The following TOR3A variants were observed in gnomAD, a reference collection of about 807,000 sequenced individuals.
TOR3A encodes the protein torsin family 3 member A.
A neutral mutation model predicts 42.1 loss-of-function variants in TOR3A; 44 were observed. The observed-to-expected ratio is 1.04, with a 90% CI of 0.82 to 1.34. TOR3A has a LOEUF of 1.34. TOR3A is among the 40% of genes most tolerant of loss of function. The probability of loss-of-function intolerance (pLI) is 0.00; values close to 1 mark genes in which losing one functional copy is unlikely to be tolerated. For synonymous variants in TOR3A, 227 were observed against 213.2 expected (o/e 1.06, Z -0.57); for missense variants, 521 against 507.6 (o/e 1.03, Z -0.25).
intron 3 of TOR3A, among the ~76,000 whole-genome samples, chr1:179,087,416 CT>C (rs1319945443): frequency 1.3e-5 from 2 of 152,214 alleles, no homozygotes; most frequent in Non-Finnish European, 2.9e-5. Context: ...ATGAGCCTCT[CT>C]TTGCCCATCA....
At chr1:179,093,972 G>T in intron 4 of TOR3A, 121 bp from the exon 5 acceptor site, 1 of 1,274,128 alleles carries the variant, frequency 7.8e-7, no homozygotes, top group African/African-American at 1.5e-5. Context: ...GGAAGAGAGA[G>T]AAGGTCCACG....
chr1:179,082,570 T>C (rs1652318847), intron 1 of TOR3A, 183 bp downstream of exon 1: 2 of 897,248 alleles, frequency 2.2e-6, no homozygotes, highest in South Asian at 3.2e-5. Flanking sequence ...TCACCGCCCT[T>C]GCCCCACCCG....
Position 179,082,368 on chromosome 1 carries a change from G to A in TOR3A, c.240G>A (p.Glu80=). ...CCGACGACTGTGACGAGGACGAGGA[G>A]GCAGCCACGGGGCCCCTGGGTAAGA... is the stretch of plus-strand genomic sequence containing the variant. ...VWPDDCDEDE[E]AATGPLGWRL... Residue 80 remains glutamate (E), a synonymous_variant, in exon 1 of 6, where the codon GAG becomes GAA. Coordinates refer to ENST00000367627, the MANE Select transcript of TOR3A (RefSeq NM_022371.4). 6.2e-7 allele frequency: 1 copy of A among 1,606,098 alleles called. No homozygotes were observed. Among genetic ancestry groups the A allele is most frequent in the Non-Finnish European group, 8.5e-7 (1 of 1,177,538 alleles).
At chr1:179,083,598 G>A (rs1409264362) in intron 2 of TOR3A, among the ~76,000 whole-genome samples, 3 of 103,750 alleles carry the variant, frequency 2.9e-5, no homozygotes, top group Non-Finnish European at 6.5e-5. Context: ...GGGGGGGGGG[G>A]GCGGGTTTCA....
rs1480004460 is a variant in TOR3A at position 179,095,790 on chromosome 1, C to A, written c.*572C>A. 1 of 988,160 alleles carries A rather than the reference C, an allele frequency of 1.0e-6. No individual in the cohort carries two copies. 61.2% of individuals were successfully genotyped at this position (988,160 alleles called of 1,614,324 possible). On this transcript the variant is annotated 3_prime_UTR_variant, in exon 6 of 6. Transcript: ENST00000367627. ...CTTCCAGAGGAAAGCCAAGCTGCTT[C>A]TGTTGTGAGCGAATCAGCCAAGAGC...
chr1:179,084,053 C>A (rs1434039214), intron 2 of TOR3A, among the ~76,000 whole-genome samples: 1 of 152,112 alleles, frequency 6.6e-6, no homozygotes, highest in East Asian at 1.9e-4. Context: ...TTGGATAAGA[C>A]CCTAGGTAGC....
At chr1:179,094,259 T>C in intron 5 of TOR3A, 42 bp downstream of exon 5, 5 of 1,589,156 alleles carry the variant, frequency 3.1e-6, no homozygotes, top group Non-Finnish European at 3.4e-6. Flanking sequence ...GAGCCACAGC[T>C]GGTGATAATT....
Position 179,095,419 on chromosome 1 carries a change from C to T in TOR3A, c.*201C>T. On this transcript the variant is annotated 3_prime_UTR_variant, in exon 6 of 6. Transcript: ENST00000367627. The stretch of plus-strand genomic sequence containing the variant: ...AATCCTTTTTCTTTTTTTTGGAGGT[C>T]CCACCGAGATAGATAGGAACTTGGA... The T allele has an allele frequency of 1.5e-6, 2 of 1,305,616 alleles. No individual in the cohort carries two copies. The highest frequency in any genetic ancestry group is 4.6e-5 in the South Asian group (2 of 43,240). The allele number at this position is 1,305,616 out of a possible 1,614,324, so 80.9% of individuals were successfully genotyped here.
At chr1:179,091,829 T>A (rs1465750257) in intron 4 of TOR3A, 1 of 152,392 alleles carries the variant, frequency 6.6e-6, no homozygotes, top group African/African-American at 2.4e-5. Context: ...GGCAATGCCC[T>A]GGCAGCAGGG....
intron 5 of TOR3A, among the ~76,000 whole-genome samples, chr1:179,094,553 G>C (rs992778892): frequency 6.6e-6 from 1 of 152,154 alleles, no homozygotes; most frequent in Non-Finnish European, 1.5e-5. Flanking sequence ...AGCACTCCTG[G>C]AGTTGAGAGA....
At chr1:179,094,694 C>T (rs1438781544) in intron 5 of TOR3A, among the ~76,000 whole-genome samples, 1 of 152,046 alleles carries the variant, frequency 6.6e-6, no homozygotes, top group East Asian at 1.9e-4. Context: ...GTCTGGCCAA[C>T]ATAGTGAAAC....
At position 179,087,970 on chromosome 1, in the gene TOR3A, C is replaced by T. The variant is rs12061876; in HGVS notation, c.699C>T (p.Ile233=). 8.1e-6 allele frequency: 13 copies of T among 1,612,762 alleles called. No individual in the cohort carries two copies. Among genetic ancestry groups the T allele is most frequent in the Admixed American group, 6.7e-5 (4 of 59,708 alleles). ...TQQLCHQTLF[I]FDEAEKLHPG... ...AGCTCTGCCACCAGACCCTGTTCATCTTCGATGAAGCGGAGAAGCTGCACC... is the reference window on the plus strand; with the variant it reads ...AGCTCTGCCACCAGACCCTGTTCATTTTCGATGAAGCGGAGAAGCTGCACC... Residue 233 remains isoleucine (I), a synonymous_variant, in exon 4 of 6, where the codon ATC becomes ATT. Transcript: ENST00000367627.
rs143192308 is a variant in TOR3A at position 179,085,715 on chromosome 1, C to T, written c.461C>T (p.Thr154Met). ...AGAACAGTGAGGGGCTACTTAGAGA[C>T]GCCCCAGCCAGAAAAGGCCCTTGCT... ...VLRTVRGYLE[T>M]PQPEKALALS... The change falls in exon 3 of 6, where the codon ACG (threonine) becomes ATG (methionine). Residue 154 changes from threonine to methionine, a missense_variant. Coordinates refer to ENST00000367627, the MANE Select transcript of TOR3A (RefSeq NM_022371.4). 4.2e-5 allele frequency: 67 copies of T among 1,614,218 alleles called. No individual in the cohort carries two copies. The East Asian group carries it at 4.9e-4, about 12-fold the overall frequency.
At chr1:179,088,927 A>G (rs1442489069) in intron 4 of TOR3A, among the ~76,000 whole-genome samples, 1 of 152,110 alleles carries the variant, frequency 6.6e-6, no homozygotes, top group South Asian at 2.1e-4. Context: ...CTCCCTTCCC[A>G]ACTCCACTCC....
At chr1:179,087,791 CG>C (rs546729905) in intron 3 of TOR3A, 119 bp from the exon 4 acceptor site, 32 of 879,914 alleles carry the variant, frequency 3.6e-5, no homozygotes, top group Middle Eastern at 3.6e-4. Flanking sequence ...TGGCGGGGGG[CG>C]GGGGGTGGGG....
At chr1:179,086,972 G>A (rs1437147810) in intron 3 of TOR3A, among the ~76,000 whole-genome samples, 4 of 152,206 alleles carry the variant, frequency 2.6e-5, no homozygotes, top group African/African-American at 4.8e-5. Context: ...ATATGGCTTT[G>A]GAGGGCAGGG....
chr1:179,084,442 T>G (rs974874876), intron 2 of TOR3A, among the ~76,000 whole-genome samples: 1 of 152,126 alleles, frequency 6.6e-6, no homozygotes, highest in Non-Finnish European at 1.5e-5. Context: ...GCTAGGCTGG[T>G]CTCGAACTCC....
At chr1:179,093,108 G>T (rs1301362401) in intron 4 of TOR3A, among the ~76,000 whole-genome samples, 1 of 152,200 alleles carries the variant, frequency 6.6e-6, no homozygotes, top group East Asian at 1.9e-4. Flanking sequence ...GCCCAGGGAG[G>T]GGAGGAGAGT....
At chr1:179,092,353 G>GA (rs1458788366) in intron 4 of TOR3A, among the ~76,000 whole-genome samples, 1 of 152,140 alleles carries the variant, frequency 6.6e-6, no homozygotes, top group Non-Finnish European at 1.5e-5. Context: ...AAGAGATGGA[G>GA]ATACTGGTTC....
Sources: gnomAD v4.1 joint callset for allele counts (sites outside exome capture counted in the v4.1 genomes callset) on GRCh38, gnomAD v4.1.1 for gene constraint, MANE v1.5 for transcripts, NCBI Gene and HGNC (gene_info 2026-07-23, HGNC 2026-07-21) for gene names.